The following RTN4 variants were observed in gnomAD, a reference collection of about 807,000 sequenced individuals.
RTN4 encodes reticulon 4.
In RTN4, 32 loss-of-function variants were observed where a neutral mutation model predicts 90.4. The ratio of observed to expected loss-of-function variants is 0.35; its 90% CI spans 0.27 to 0.48. RTN4 has a LOEUF of 0.48. RTN4 is among the 20% of genes least tolerant of loss of function. RTN4 has a pLI of 0.99. For missense variants in RTN4, 1,706 were observed against 1,430.2 expected (o/e 1.19, Z -3.11); for synonymous variants, 629 against 552.5 (o/e 1.14, Z -1.94).
chr2:55,004,990 G>C (rs1171837477), intron 3 of RTN4, among the ~76,000 whole-genome samples: 3 of 152,110 alleles, frequency 2.0e-5, no homozygotes, highest in Non-Finnish European at 4.4e-5. Flanking sequence ...AATGAAATGG[G>C]AAGAAAGGGC....
chr2:55,077,909 T>A (rs1668632627), intron 2 of RTN4, among the ~76,000 whole-genome samples: 1 of 152,110 alleles, frequency 6.6e-6, no homozygotes. Flanking sequence ...TCACTTAGAA[T>A]GGAAAACCAG....
chr2:55,003,391 T>G (rs866954429), intron 3 of RTN4, among the ~76,000 whole-genome samples: 6 of 152,246 alleles, frequency 3.9e-5, no homozygotes, highest in Non-Finnish European at 2.9e-5. Context: ...CGACACAAAA[T>G]ATTTTAGTGT....
In RTN4 at chr2:55,050,237, C is replaced by G; in HGVS notation, c.64G>C (p.Ala22Pro). The stretch of plus-strand genomic sequence containing the variant: ...TCCCTCACGAACTGGTACTTGAACG[C>G]GGGCTGCGGCCGGGGTGGGCTGTCC... ...SSDSPPRPQP[A>P]FKYQFVREPE... Residue 22 changes from alanine (A) to proline (P), a missense_variant, in exon 1 of 9, where the codon GCG becomes CCG. Physicochemically the swap from Ala to Pro is conservative, Grantham distance 27. Transcript: ENST00000337526. This position sits in a 1 kb window ranked among gnomAD's most constrained non-coding sequence, Gnocchi z 4.6. The G allele has an allele frequency of 6.5e-7, 1 of 1,547,084 alleles. No individual in the cohort carries two copies.
At chr2:55,063,437 T>C (rs1056247626) in intron 2 of RTN4, among the ~76,000 whole-genome samples, 1 of 152,034 alleles carries the variant, frequency 6.6e-6, no homozygotes, top group Non-Finnish European at 1.5e-5. Context: ...AAGGAGGCCA[T>C]GTAGCTGGAA....
upstream of RTN4, among the ~76,000 whole-genome samples, chr2:55,114,267 C>G (rs1668085117): frequency 6.6e-6 from 1 of 152,174 alleles, no homozygotes; most frequent in African/African-American, 2.4e-5. Context: ...CCACCTCTCT[C>G]TTTTGTGAAT....
At chr2:55,074,461 C>T (rs369030290) in intron 2 of RTN4, among the ~76,000 whole-genome samples, 1 of 150,790 alleles carries the variant, frequency 6.6e-6, no homozygotes, top group East Asian at 1.9e-4. Context: ...TGTGATCACA[C>T]CATTGCACTC....
chr2:55,010,358 T>G (rs201185057), intron 3 of RTN4: 1 of 1,332,956 alleles, frequency 7.5e-7, no homozygotes, highest in Non-Finnish European at 9.6e-7. Context: ...CATTAATGCT[T>G]TCCTTCTATC....
rs188655228 is a variant in RTN4, at chr2:55,061,519, A to G, written c.-63+18970T>C. ...ACCAGGATCCAACTGAGGACCACAC[A>G]TCACATCTGGTTGTTATGTCCCCTC... On this transcript the variant is annotated intron_variant, in intron 2 of 3. Transcript: ENST00000427710. Among the ~76,000 whole-genome samples, 19 of 152,320 alleles carry G rather than the reference A, an allele frequency of 1.2e-4. No homozygotes were observed. In the East Asian group the frequency reaches 3.5e-3, roughly 28 times the overall value.
Position 55,088,558 on chromosome 2 carries a change from T to C in RTN4, c.-213-7919A>G, listed in dbSNP as rs116004041. Among the ~76,000 whole-genome samples the C allele has an allele frequency of 8.1e-3, 1,239 of 152,366 alleles. 13 individuals carry two copies. Among genetic ancestry groups the C allele is most frequent in the African/African-American group, 0.029 (1,186 of 41,586 alleles). On this transcript the variant is annotated intron_variant, in intron 1 of 3. Transcript: ENST00000427710. ...CCTGGACAACATACAGATGTATTCA[T>C]ATGATATGTAACATTGGTTTGCATA...
chr2:55,115,860 C>T (rs1377306931), upstream of RTN4, among the ~76,000 whole-genome samples: 1 of 152,176 alleles, frequency 6.6e-6, no homozygotes, highest in African/African-American at 2.4e-5. Context: ...TCCTTTATGC[C>T]ATCCTCTTAT....
At chr2:55,032,935 G>C (rs1017452711) in intron 1 of RTN4, among the ~76,000 whole-genome samples, 1 of 151,834 alleles carries the variant, frequency 6.6e-6, no homozygotes, top group African/African-American at 2.4e-5. Flanking sequence ...GGCTGAGATG[G>C]GAGGATCACT....
intron 2 of RTN4, among the ~76,000 whole-genome samples, chr2:55,071,111 T>C (rs540980641): frequency 1.3e-5 from 2 of 151,108 alleles, no homozygotes; most frequent in African/African-American, 2.4e-5. Flanking sequence ...AATGGAACTT[T>C]GAAACTCCAA....
intron 4 of RTN4, among the ~76,000 whole-genome samples, chr2:54,986,344 G>C (rs965125327): frequency 1.3e-5 from 2 of 152,072 alleles, no homozygotes; most frequent in African/African-American, 4.8e-5. Context: ...TTCTGTAAAG[G>C]GCCAGATAGT....
At chr2:55,007,856 G>T (rs568854182) in intron 3 of RTN4, among the ~76,000 whole-genome samples, 109 of 152,034 alleles carry the variant, frequency 7.2e-4, no homozygotes, top group Non-Finnish European at 1.1e-3. Flanking sequence ...GTTCTACCCA[G>T]AAAGTTATTT....
chr2:55,000,896 G>C (rs1679805695), intron 3 of RTN4, among the ~76,000 whole-genome samples: 1 of 152,048 alleles, frequency 6.6e-6, no homozygotes, highest in Non-Finnish European at 1.5e-5. Context: ...ATTTCATTAA[G>C]AGATTCAATA....
At chr2:55,055,780 A>C (rs1024168871), upstream of RTN4, among the ~76,000 whole-genome samples, 6 of 151,394 alleles carry the variant, frequency 4.0e-5, no homozygotes, top group East Asian at 7.7e-4. Context: ...AAAAAAAAAA[A>C]CAAAAAAAAC....
At chr2:55,080,035 G>T (rs1379031501) in intron 2 of RTN4, among the ~76,000 whole-genome samples, 1 of 152,004 alleles carries the variant, frequency 6.6e-6, no homozygotes, top group African/African-American at 2.4e-5. Flanking sequence ...TCTTATTTTG[G>T]GGGGACAGGG....
At chr2:55,081,394 T>A (rs1668714433) in intron 1 of RTN4, among the ~76,000 whole-genome samples, 1 of 152,102 alleles carries the variant, frequency 6.6e-6, no homozygotes, top group Admixed American at 6.6e-5. Flanking sequence ...TCTTTTAAGC[T>A]ACTACACACC....
In RTN4 at chr2:54,978,477, G is replaced by A. The variant is rs1677849421; in HGVS notation, c.3361-3713C>T. ...AAGAGCTAGTGATAATTGTGACCCA[G>A]AATCTAAAAATGTAGATATAAATTT... On this transcript the variant is annotated intron_variant, in intron 5 of 8. Coordinates refer to ENST00000337526, the MANE Select transcript of RTN4 (RefSeq NM_020532.5). 2.1e-5 allele frequency among the ~76,000 whole-genome samples: 3 copies of A among 142,506 alleles called. No individual in the cohort carries two copies. The South Asian group carries it at 6.8e-4, about 32-fold the overall frequency. The allele number at this position is 142,506 out of a possible 152,430, so 93.5% of individuals were successfully genotyped here.
Sources: gnomAD v4.1 joint callset for allele counts (sites outside exome capture counted in the v4.1 genomes callset) on GRCh38, gnomAD v4.1.1 for gene constraint, Gnocchi (gnomAD v3.1) non-coding constraint, MANE v1.5 for transcripts, NCBI Gene and HGNC (gene_info 2026-07-23, HGNC 2026-07-21) for gene names.